Variants in SYNPO2 observed in about 807,000 individuals in gnomAD.
SYNPO2 encodes synaptopodin-2.
In SYNPO2, 56 loss-of-function variants were observed where a neutral mutation model predicts 85.0. The ratio of observed to expected loss-of-function variants is 0.66; its 90% CI spans 0.53 to 0.82. The LOEUF is 0.82. Ranked by LOEUF, SYNPO2 falls within the 40% of genes least tolerant of loss-of-function variation. The pLI, the probability that SYNPO2 is intolerant of heterozygous loss-of-function variation, is 0.00. For missense variants in SYNPO2, 1,575 were observed against 1,534.2 expected (o/e 1.03, Z -0.44); for synonymous variants, 602 against 591.1 (o/e 1.02, Z -0.27).
chr4:119,044,557 G>A (rs1738817908), intron 4 of SYNPO2, among the ~76,000 whole-genome samples: 1 of 152,110 alleles, frequency 6.6e-6, no homozygotes, highest in African/African-American at 2.4e-5. Context: ...TTGAGATGGA[G>A]TCTCACTCTG....
chr4:118,935,975 G>T (rs1322333231), intron 1 of SYNPO2, among the ~76,000 whole-genome samples: 1 of 152,146 alleles, frequency 6.6e-6, no homozygotes, highest in African/African-American at 2.4e-5. Flanking sequence ...GGCAGAAGAG[G>T]GGAGGAAACA....
At chr4:119,037,259 T>C (rs938862065) in intron 4 of SYNPO2, 85 of 1,464,604 alleles carry the variant, frequency 5.8e-5, no homozygotes, top group Non-Finnish European at 7.3e-5. Flanking sequence ...ATCTCCTATT[T>C]CTTGGGCTCC....
chr4:119,022,838 G>A (rs893549294), intron 1 of SYNPO2, among the ~76,000 whole-genome samples: 7 of 150,028 alleles, frequency 4.7e-5, no homozygotes, highest in African/African-American at 2.5e-5. Flanking sequence ...GTACAATGGT[G>A]CGATATTGGC....
intron 1 of SYNPO2, among the ~76,000 whole-genome samples, chr4:118,918,849 A>G (rs889537598): frequency 1.3e-5 from 2 of 152,210 alleles, no homozygotes; most frequent in Non-Finnish European, 2.9e-5. Flanking sequence ...TTAATTCTTC[A>G]TCAAGTATTT....
chr4:118,902,212 G>A (rs1023980219), intron 1 of SYNPO2, among the ~76,000 whole-genome samples: 10 of 152,136 alleles, frequency 6.6e-5, no homozygotes, highest in Non-Finnish European at 1.5e-4. Flanking sequence ...TTTGCAATGT[G>A]GTCTTCAAAT....
intron 1 of SYNPO2, among the ~76,000 whole-genome samples, chr4:119,007,677 A>G (rs1283762220): frequency 1.3e-5 from 2 of 152,114 alleles, no homozygotes; most frequent in Non-Finnish European, 2.9e-5. Context: ...CTTCATGTTT[A>G]TGTCTTAGCT....
chr4:119,034,051 A>G (rs1738395144), intron 4 of SYNPO2: 5 of 985,342 alleles, frequency 5.1e-6, no homozygotes, highest in Non-Finnish European at 6.0e-6. Flanking sequence ...TGGGAAACCA[A>G]TTAAGATTAA....
chr4:118,994,793 G>A (rs938197995), intron 1 of SYNPO2, among the ~76,000 whole-genome samples: 6 of 152,078 alleles, frequency 3.9e-5, no homozygotes, highest in African/African-American at 1.4e-4. Flanking sequence ...AAAGATCTTT[G>A]TTTCTAGTTT....
chr4:118,873,554 A>G (rs2110573859), intron 1 of SYNPO2, among the ~76,000 whole-genome samples: 1 of 151,656 alleles, frequency 6.6e-6, no homozygotes, highest in South Asian at 2.1e-4. Context: ...GATTATTATT[A>G]TTTGCTATTG....
rs769622516 is a variant in SYNPO2, at chr4:119,057,972, T to C, written c.*38T>C. ...CGGATCATGTGCCAACTGTAGTTTTTTAAAAAAAACGCTCCTTTGTAGGGT... is the reference window on the plus strand; with the variant it reads ...CGGATCATGTGCCAACTGTAGTTTTCTAAAAAAAACGCTCCTTTGTAGGGT... On this transcript the variant is annotated 3_prime_UTR_variant, in exon 5 of 5. Transcript: ENST00000307142. 2 of 1,553,230 alleles carry C rather than the reference T, an allele frequency of 1.3e-6. No individual in the cohort carries two copies. Among genetic ancestry groups the C allele is most frequent in the Non-Finnish European group, 1.7e-6 (2 of 1,158,770 alleles).
At chr4:118,938,938 A>G (rs572453848) in intron 1 of SYNPO2, among the ~76,000 whole-genome samples, 9 of 152,152 alleles carry the variant, frequency 5.9e-5, no homozygotes, top group Admixed American at 6.5e-5. Flanking sequence ...TTTACTCTCT[A>G]TATTCACTGT....
intron 1 of SYNPO2, among the ~76,000 whole-genome samples, chr4:118,860,880 C>CTATT (rs1423310623): frequency 6.6e-6 from 1 of 152,020 alleles, no homozygotes; most frequent in Non-Finnish European, 1.5e-5. Context: ...TCAGATTATT[C>CTATT]TATTTTTTTT....
upstream of SYNPO2, among the ~76,000 whole-genome samples, chr4:118,884,192 T>A (rs1400679238): frequency 1.3e-5 from 2 of 152,154 alleles, no homozygotes; most frequent in Non-Finnish European, 2.9e-5. Flanking sequence ...ATAAACATAA[T>A]CCTGAGAAAT....
chr4:118,885,730 C>G (rs933759442), upstream of SYNPO2, among the ~76,000 whole-genome samples: 2 of 152,182 alleles, frequency 1.3e-5, no homozygotes, highest in East Asian at 3.9e-4. Flanking sequence ...ACCTTGCCCA[C>G]CTTGTCTTCC....
intron 1 of SYNPO2, among the ~76,000 whole-genome samples, chr4:118,870,552 C>T (rs189675826): frequency 7.9e-5 from 12 of 152,234 alleles, no homozygotes; most frequent in Non-Finnish European, 1.8e-4. Context: ...TGTATATACC[C>T]AGTAATGGGA....
chr4:118,870,750 G>A (rs777425745), intron 1 of SYNPO2, among the ~76,000 whole-genome samples: 1 of 152,140 alleles, frequency 6.6e-6, no homozygotes, highest in Non-Finnish European at 1.5e-5. Flanking sequence ...GGGGTATGGG[G>A]GAGGGAGAGC....
chr4:119,058,025 C>G lies in SYNPO2; in HGVS notation c.*91C>G. The G allele has an allele frequency of 7.2e-7, 1 of 1,395,892 alleles. No individual in the cohort carries two copies. The highest frequency in any genetic ancestry group is 1.5e-5 in the South Asian group (1 of 67,820). The allele number at this position is 1,395,892 out of a possible 1,614,324, so 86.5% of individuals were successfully genotyped here. On this transcript the variant is annotated 3_prime_UTR_variant, in exon 5 of 5. Transcript: ENST00000307142. Reference sequence around the variant, plus strand: ...TAAACTTTTCTAATAGATTTAGATTCACTTTTGGTCTTGGCTTGTTCTCAT... The same window carrying G: ...TAAACTTTTCTAATAGATTTAGATTGACTTTTGGTCTTGGCTTGTTCTCAT...
At chr4:118,918,498 A>G (rs892560330) in intron 1 of SYNPO2, among the ~76,000 whole-genome samples, 4 of 152,168 alleles carry the variant, frequency 2.6e-5, no homozygotes, top group Non-Finnish European at 5.9e-5. Flanking sequence ...GATTTCCTTA[A>G]AAGGCAGTTG....
intron 4 of SYNPO2, chr4:119,036,978 A>AT (rs920359395): frequency 2.9e-4 from 372 of 1,304,636 alleles, no homozygotes; most frequent in Non-Finnish European, 3.5e-4. Flanking sequence ...AGTTTAAGTA[A>AT]TTTTTTTGTT....
Sources: allele counts gnomAD v4.1 joint callset (sites outside exome capture counted in the v4.1 genomes callset), GRCh38; gene constraint gnomAD v4.1.1; transcripts MANE v1.5; gene names NCBI Gene and HGNC (gene_info 2026-07-23, HGNC 2026-07-21).